The following EDA variants were observed in gnomAD, a reference collection of about 807,000 sequenced individuals.
EDA encodes ectodysplasin A, also known as ectodysplasin-A.
In EDA, 2 loss-of-function variants were observed where a neutral mutation model predicts 23.6. That is an observed-to-expected ratio of 0.08 (90% CI 0.03 to 0.27). The LOEUF (loss-of-function observed/expected upper bound fraction) is 0.27. Among genes scored for constraint, EDA ranks in the 10% least tolerant of loss-of-function variants. The pLI is 1.00. For synonymous variants in EDA, 131 were observed against 132.0 expected, an observed-to-expected ratio of 0.99 and a Z score of 0.05; for missense variants, 229 against 324.2, an observed-to-expected ratio of 0.71 and a Z score of 2.26.
intron 1 of EDA, 131 bp downstream of exon 1, chrX:69,616,835 G>A (rs367870945): frequency 5.5e-6 from 5 of 905,198 alleles, no homozygotes; most frequent in Non-Finnish European, 7.7e-6. Flanking sequence ...GAGGGACCAG[G>A]CGAGCAAGGG....
intron 1 of EDA, among the ~76,000 whole-genome samples, chrX:69,863,092 T>C (rs1442797331): frequency 9.3e-6 from 1 of 107,917 alleles, no homozygotes; most frequent in Non-Finnish European, 1.9e-5. Context: ...TAATAGATGG[T>C]AAACCAGGGG....
At chrX:69,888,982 A>ATATATATC (rs2017878001) in intron 1 of EDA, among the ~76,000 whole-genome samples, 1 of 40,430 alleles carries the variant, frequency 2.5e-5, no homozygotes, top group Non-Finnish European at 4.2e-5. Context: ...GGGTAGTTAT[A>ATATATATC]TATATATATA....
chrX:69,847,614 A>C (rs1247738274), intron 1 of EDA, among the ~76,000 whole-genome samples: 2 of 112,064 alleles, frequency 1.8e-5, no homozygotes, highest in Non-Finnish European at 1.9e-5. Flanking sequence ...GATTCATCTA[A>C]CTTGCTGCAT....
chrX:70,035,794 T>C lies in EDA; in HGVS notation c.*185T>C, dbSNP rs2020260020. On this transcript the variant is annotated 3_prime_UTR_variant, in exon 8 of 8. Transcript: ENST00000374552. The stretch of plus-strand genomic sequence containing the variant: ...GCCTGCTTGACTTTCCAGAATGACC[T>C]TGAGTTAACAGGACAGTTGATGGAG... The C allele has an allele frequency of 1.9e-6, 1 of 521,245 alleles. No individual in the cohort carries two copies. The highest frequency in any genetic ancestry group is 3.1e-6 in the Non-Finnish European group (1 of 322,723). The allele number at this position is 521,245 out of a possible 1,213,427, so 43.0% of individuals were successfully genotyped here. A position where few individuals can be genotyped will look rare whatever the true frequency, so the allele number is the denominator to read the frequency against.
chrX:69,983,847 G>C (rs1191399896), intron 2 of EDA, among the ~76,000 whole-genome samples: 1 of 107,181 alleles, frequency 9.3e-6, no homozygotes, highest in Non-Finnish European at 1.9e-5. Flanking sequence ...ATATCCTGCA[G>C]AGTGTTTTCC....
In EDA at chrX:69,936,020, T is replaced by A. The variant is rs372373551; in HGVS notation, c.397-21007T>A. 1.1e-4 allele frequency among the ~76,000 whole-genome samples: 12 copies of A among 106,735 alleles called. No individual in the cohort carries two copies. The East Asian group carries it at 3.2e-3, about 28-fold the overall frequency. 92.7% of individuals were successfully genotyped at this position (106,735 alleles called of 115,157 possible). On this transcript the variant is annotated intron_variant, in intron 1 of 7. Transcript: ENST00000374552. Reference sequence around the variant, plus strand: ...CATATATATATGAGTACATTATATATATATTATATATATACATTTATATAT... The same window carrying A: ...CATATATATATGAGTACATTATATAAATATTATATATATACATTTATATAT...
At chrX:69,725,409 T>C (rs766063251) in intron 1 of EDA, among the ~76,000 whole-genome samples, 1 of 112,476 alleles carries the variant, frequency 8.9e-6, no homozygotes, top group African/African-American at 3.2e-5. Context: ...TCTTGACTTA[T>C]CTAAAATTTC....
intron 1 of EDA, among the ~76,000 whole-genome samples, chrX:69,722,130 GTCTC>G (rs1045987918): frequency 1.8e-5 from 2 of 111,482 alleles, no homozygotes; most frequent in African/African-American, 6.5e-5. Flanking sequence ...CTTTTCTTCT[GTCTC>G]TCTGTTTTCA....
At chrX:69,750,224 C>T (rs1287770841) in intron 1 of EDA, among the ~76,000 whole-genome samples, 1 of 86,655 alleles carries the variant, frequency 1.2e-5, no homozygotes, top group Non-Finnish European at 2.2e-5. Context: ...TCCCTATGTA[C>T]AAGTGTTCTC....
chrX:69,772,351 G>A (rs1307558383), intron 1 of EDA, among the ~76,000 whole-genome samples: 2 of 111,620 alleles, frequency 1.8e-5, no homozygotes, highest in Non-Finnish European at 3.8e-5. Flanking sequence ...ATTTTCTAAT[G>A]TTGAACCAGC....
rs757986743 is a variant in EDA at position 70,027,942 on chromosome X, G to T, written c.612G>T (p.Gly204=). ...PGPQGPPGIP[G]IPGIPGTTVM... is the part of the protein sequence containing the mutation. ...CCCAGGGACCCCCAGGAATTCCAGG[G>T]ATTCCTGGAATTCCAGGAACAACTG... is the stretch of plus-strand genomic sequence containing the variant. The change falls in exon 4 of 8, where the codon GGG becomes GGT. Residue 204 remains glycine, a synonymous_variant. Coordinates refer to ENST00000374552, the MANE Select transcript of EDA (RefSeq NM_001399.5). 19 of 1,182,138 alleles carry T rather than the reference G, an allele frequency of 1.6e-5. No individual in the cohort carries two copies. The highest frequency in any genetic ancestry group is 1.9e-5 in the Non-Finnish European group (17 of 879,566).
At chrX:69,714,852 G>T (rs1447277650) in intron 1 of EDA, among the ~76,000 whole-genome samples, 1 of 110,021 alleles carries the variant, frequency 9.1e-6, no homozygotes, top group South Asian at 3.9e-4. Flanking sequence ...TCTTTTCCAG[G>T]GTTGTTCTAC....
intron 2 of EDA, among the ~76,000 whole-genome samples, chrX:70,016,936 G>C (rs982045823): frequency 1.8e-5 from 2 of 108,800 alleles, no homozygotes; most frequent in African/African-American, 3.4e-5. Flanking sequence ...TTTTTTGAAA[G>C]AATAAATAAG....
chrX:69,911,094 G>A (rs1353866250), intron 1 of EDA, among the ~76,000 whole-genome samples: 4 of 112,012 alleles, frequency 3.6e-5, no homozygotes, highest in African/African-American at 1.3e-4. Context: ...TTCCTCAAAA[G>A]AGTATTTTTT....
chrX:69,674,959 T>A (rs1934028892), intron 1 of EDA, among the ~76,000 whole-genome samples: 1 of 111,802 alleles, frequency 8.9e-6, no homozygotes, highest in South Asian at 3.8e-4. Context: ...TTCTGTCCTG[T>A]CCCCTCCAAC....
chrX:70,015,505 G>A (rs144491508), intron 2 of EDA, among the ~76,000 whole-genome samples: 1,191 of 111,061 alleles, frequency 0.011, 15 homozygotes, highest in African/African-American at 0.033. Flanking sequence ...CCCAGGAGGC[G>A]GAGGTTGCAG....
intron 2 of EDA, among the ~76,000 whole-genome samples, chrX:69,967,188 TGA>T (rs2019187488): frequency 9.0e-6 from 1 of 110,782 alleles, no homozygotes; most frequent in African/African-American, 3.3e-5. Flanking sequence ...ATAATGGACG[TGA>T]GAGGGCATAA....
At chrX:69,732,013 G>A (rs1246374577) in intron 1 of EDA, among the ~76,000 whole-genome samples, 1 of 111,001 alleles carries the variant, frequency 9.0e-6, no homozygotes, top group Non-Finnish European at 1.9e-5. Context: ...TGTGCCTTTT[G>A]AGATGACCAT....
intron 1 of EDA, among the ~76,000 whole-genome samples, chrX:69,626,177 A>G (rs958851886): frequency 4.5e-5 from 5 of 111,907 alleles, no homozygotes; most frequent in African/African-American, 1.6e-4. Flanking sequence ...GGAGATGTGG[A>G]GAAATGGAAA....
Sources: allele counts gnomAD v4.1 joint callset (sites outside exome capture counted in the v4.1 genomes callset), GRCh38; gene constraint gnomAD v4.1.1; transcripts MANE v1.5; gene names NCBI Gene and HGNC (gene_info 2026-07-23, HGNC 2026-07-21).